Variants in THSD7A observed in about 807,000 individuals in gnomAD.
The protein encoded by THSD7A is thrombospondin type 1 domain containing 7A, also known as thrombospondin type-1 domain-containing protein 7A.
In THSD7A, 96 loss-of-function variants were observed where a neutral mutation model predicts 231.3. The observed-to-expected ratio is 0.41, with a 90% confidence interval of 0.35 to 0.49. The LOEUF (loss-of-function observed/expected upper bound fraction) is 0.49. THSD7A is among the 20% of genes least tolerant of loss of function. The probability of loss-of-function intolerance (pLI) is 0.05; values close to 1 mark genes in which losing one functional copy is unlikely to be tolerated. For missense variants in THSD7A, 2,290 were observed against 2,070.2 expected (o/e 1.11, Z -2.06); for synonymous variants, 940 against 743.3 (o/e 1.26, Z -4.30).
At position 11,595,344 on chromosome 7, in the gene THSD7A, T is replaced by G. The variant is rs573697156; in HGVS notation, c.1023-1842A>C. ...GCAGAACAGGCATGGGAATGGATAT[T>G]AAGAGTGTGGGGTAATGGTGGAAGG... is the stretch of plus-strand genomic sequence containing the variant. On this transcript the variant is annotated intron_variant, in intron 2 of 27. Transcript: ENST00000423059. Among the ~76,000 whole-genome samples the G allele has an allele frequency of 3.0e-4, 45 of 152,158 alleles. 3 individuals carry two copies. The South Asian group carries it at 8.9e-3, about 30-fold the overall frequency.
intron 1 of THSD7A, among the ~76,000 whole-genome samples, chr7:11,675,029 C>G (rs143078085): frequency 6.6e-6 from 1 of 152,020 alleles, no homozygotes; most frequent in Non-Finnish European, 1.5e-5. Flanking sequence ...GAGACCAACA[C>G]GGAAGGTGGG....
At position 11,590,665 on chromosome 7, in the gene THSD7A, C is replaced by A; in HGVS notation, c.1272-24G>T. 2 of 1,575,520 alleles carry A rather than the reference C, an allele frequency of 1.3e-6. No individual in the cohort carries two copies. The highest frequency in any genetic ancestry group is 1.7e-6 in the Non-Finnish European group (2 of 1,161,204). ...ACCTAAATAAAGACAACACCACCAG[C>A]AGCAACCATAATTATTGAATGACGT... On this transcript the variant is annotated intron_variant, in intron 3 of 27. Coordinates refer to ENST00000423059, the MANE Select transcript of THSD7A (RefSeq NM_015204.3). The surrounding 1 kb of genome is among the most constrained non-coding windows in gnomAD (Gnocchi z 4.4).
At chr7:11,635,011 G>T (rs1207231711) in intron 2 of THSD7A, among the ~76,000 whole-genome samples, 1 of 152,132 alleles carries the variant, frequency 6.6e-6, no homozygotes, top group Non-Finnish European at 1.5e-5. Context: ...TAAACAACAT[G>T]CATGCCACAC....
At chr7:11,706,943 C>T (rs148800212) in intron 1 of THSD7A, among the ~76,000 whole-genome samples, 1 of 150,666 alleles carries the variant, frequency 6.6e-6, no homozygotes. Context: ...TTTGTATTAT[C>T]ACTGATGTAA....
At chr7:11,725,908 A>C (rs1781529996) in intron 1 of THSD7A, among the ~76,000 whole-genome samples, 2 of 152,000 alleles carry the variant, frequency 1.3e-5, no homozygotes, top group Admixed American at 1.3e-4. Context: ...TGCAACATAA[A>C]ATTTTACAGT....
intron 1 of THSD7A, among the ~76,000 whole-genome samples, chr7:11,739,737 C>T (rs73298414): frequency 1.2e-4 from 18 of 151,952 alleles, no homozygotes; most frequent in African/African-American, 3.6e-4. Flanking sequence ...TCATCTCTTG[C>T]CTGGTCAACT....
chr7:11,483,091 G>C (rs1447147698), intron 6 of THSD7A, among the ~76,000 whole-genome samples: 1 of 152,174 alleles, frequency 6.6e-6, no homozygotes, highest in African/African-American at 2.4e-5. Context: ...AAAAGTGTGT[G>C]CCTCGCATTA....
chr7:11,793,698 T>A (rs1361231968), intron 1 of THSD7A, among the ~76,000 whole-genome samples: 6 of 151,828 alleles, frequency 4.0e-5, no homozygotes, highest in Non-Finnish European at 8.8e-5. Context: ...TATACTATAT[T>A]TTTCAATTAA....
At chr7:11,398,509 G>A (rs557902572) in intron 23 of THSD7A, among the ~76,000 whole-genome samples, 3 of 151,894 alleles carry the variant, frequency 2.0e-5, no homozygotes, top group East Asian at 3.9e-4. Context: ...AAACCTGCAC[G>A]TTCTGCACAT....
intron 6 of THSD7A, among the ~76,000 whole-genome samples, chr7:11,495,422 G>A (rs1010128791): frequency 1.3e-5 from 2 of 152,178 alleles, no homozygotes; most frequent in South Asian, 2.1e-4. Context: ...GCACTTATAC[G>A]TGAATGCTTT....
At chr7:11,756,286 C>A (rs10231987) in intron 1 of THSD7A, among the ~76,000 whole-genome samples, 3,849 of 152,028 alleles carry the variant, frequency 0.025, 174 homozygotes, top group African/African-American at 0.088. Flanking sequence ...CAAAGATGAC[C>A]AAACATTTTG....
intron 1 of THSD7A, among the ~76,000 whole-genome samples, chr7:11,826,978 T>G (rs1469779940): frequency 1.3e-5 from 2 of 152,208 alleles, no homozygotes; most frequent in East Asian, 3.9e-4. Flanking sequence ...ACAAAAGTGC[T>G]GAAAATTTTA....
intron 1 of THSD7A, among the ~76,000 whole-genome samples, chr7:11,748,312 G>C (rs184717951): frequency 2.7e-4 from 41 of 152,044 alleles, no homozygotes; most frequent in African/African-American, 9.9e-4. Context: ...AGGAGAGTGA[G>C]ATGAGGTTTG....
rs2115384923 is a variant in THSD7A, at chr7:11,411,902, TG to T, written c.3683-581del. Among the ~76,000 whole-genome samples the T allele has an allele frequency of 7.2e-6, 1 of 139,054 alleles. No individual in the cohort carries two copies. The highest frequency in any genetic ancestry group is 2.0e-4 in the East Asian group (1 of 4,946). The allele number at this position is 139,054 out of a possible 152,430, so 91.2% of individuals were successfully genotyped here. On this transcript the variant is annotated intron_variant, in intron 18 of 27. Transcript: ENST00000423059. The surrounding 1 kb of genome is among the most constrained non-coding windows in gnomAD (Gnocchi z 4.1). The stretch of plus-strand genomic sequence containing the variant: ...TAACATAGCACATCCCAGATAACTG[TG>T]ATTTTTTTTTTTTGTATCATCAAAG...
chr7:11,471,725 A>C (rs1785946902), intron 8 of THSD7A, among the ~76,000 whole-genome samples: 1 of 152,116 alleles, frequency 6.6e-6, no homozygotes, highest in Non-Finnish European at 1.5e-5. Context: ...GATTTGAATC[A>C]TAGAAGCAAA....
In THSD7A at chr7:11,637,003, G is replaced by T. The variant is rs773279093; in HGVS notation, c.191-42C>A. ...ACAAAAATTAGCAGTGCTACTAGAA[G>T]AAAACTACAAGTTACTGCACATTCC... On this transcript the variant is annotated intron_variant, in intron 1 of 27. Transcript: ENST00000423059. The surrounding 1 kb of genome is among the most constrained non-coding windows in gnomAD (Gnocchi z 4.2). 2.6e-6 allele frequency: 4 copies of T among 1,542,932 alleles called. No individual in the cohort carries two copies. The highest frequency in any genetic ancestry group is 3.5e-6 in the Non-Finnish European group (4 of 1,144,112).
chr7:11,544,662 C>G lies in THSD7A; in HGVS notation c.1454-1545G>C, dbSNP rs772479830. Among the ~76,000 whole-genome samples the G allele has an allele frequency of 2.0e-5, 3 of 152,294 alleles. No individual in the cohort carries two copies. In the East Asian group the frequency reaches 5.8e-4, roughly 29 times the overall value. On this transcript the variant is annotated intron_variant, in intron 4 of 27. Transcript: ENST00000423059. ...TACATCCTATAAGTTTTCACACACA[C>G]GAGCACACAGTCATAAATGCTATCT...
intron 4 of THSD7A, among the ~76,000 whole-genome samples, chr7:11,589,387 C>T (rs1780059784): frequency 6.6e-6 from 1 of 152,168 alleles, no homozygotes; most frequent in African/African-American, 2.4e-5. Context: ...CTGAAATGAA[C>T]TCCCTCTTGC....
intron 1 of THSD7A, among the ~76,000 whole-genome samples, chr7:11,687,512 T>G (rs1201222636): frequency 6.6e-6 from 1 of 151,848 alleles, no homozygotes; most frequent in Non-Finnish European, 1.5e-5. Context: ...AAAACATTCT[T>G]CTCAGTAGAA....
Sources: allele counts gnomAD v4.1 joint callset (sites outside exome capture counted in the v4.1 genomes callset), GRCh38; gene constraint gnomAD v4.1.1; non-coding constraint Gnocchi (gnomAD v3.1); transcripts MANE v1.5; gene names NCBI Gene and HGNC (gene_info 2026-07-23, HGNC 2026-07-21).